POU2F2: variants seen among roughly 807,000 people sequenced by gnomAD.
The protein encoded by POU2F2 is POU class 2 homeobox 2.
POU2F2 carries 14 observed loss-of-function variants against 63.5 expected under a neutral mutation model. The observed-to-expected ratio is 0.22, with a 90% CI of 0.15 to 0.34. The LOEUF is 0.34. Ranked by LOEUF, POU2F2 falls within the 10% of genes least tolerant of loss-of-function variation. The probability of loss-of-function intolerance (pLI) is 1.00; values close to 1 mark genes in which losing one functional copy is unlikely to be tolerated. For synonymous variants in POU2F2, 306 were observed against 348.6 expected (o/e 0.88, Z 1.36); for missense variants, 607 against 815.2 (o/e 0.74, Z 3.11).
At chr19:42,141,772 G>C (rs371568345) in intron 2 of POU2F2, among the ~76,000 whole-genome samples, 1 of 152,046 alleles carries the variant, frequency 6.6e-6, no homozygotes, top group African/African-American at 2.4e-5. Flanking sequence ...GAGCCACCAC[G>C]CCTGGCCAGG....
At chr19:42,124,554 C>G (rs185652814) in intron 1 of POU2F2, among the ~76,000 whole-genome samples, 1 of 152,200 alleles carries the variant, frequency 6.6e-6, no homozygotes, top group East Asian at 1.9e-4. Context: ...AGATGCAGCA[C>G]GTCCACTCCT....
Position 42,095,944 on chromosome 19 carries a change from CG to C in POU2F2, c.730-16del. Reference sequence around the variant, plus strand: ...CCCACATCACCCTGGGCCAGTGGGGCGGGGAAGGGCCCGAAGTCAGGGTGGG... The same window carrying C: ...CCCACATCACCCTGGGCCAGTGGGGCGGGAAGGGCCCGAAGTCAGGGTGGG... On this transcript the variant is annotated splice_polypyrimidine_tract_variant and intron_variant, in intron 8 of 14. Coordinates refer to ENST00000692977, the MANE Select transcript of POU2F2 (RefSeq NM_001394376.1). The surrounding 1 kb of genome is among the most constrained non-coding windows in gnomAD (Gnocchi z 7.1). 1 of 1,584,034 alleles carries C rather than the reference CG, an allele frequency of 6.3e-7. No homozygotes were observed. The highest frequency in any genetic ancestry group is 8.6e-7 in the Non-Finnish European group (1 of 1,162,862).
At position 42,093,872 on chromosome 19, in the gene POU2F2, C is replaced by T. The variant is rs2076825308; in HGVS notation, c.1221G>A (p.Gly407=). 4.3e-6 allele frequency: 7 copies of T among 1,611,838 alleles called. No individual in the cohort carries two copies. Among genetic ancestry groups the T allele is most frequent in the African/African-American group, 2.7e-5 (2 of 75,020 alleles). ...PHMVTPQGGA[G]TLPLSQASSS... is the part of the protein sequence containing the mutation. ...TGGAAGCTTGGGACAACGGTAAGGT[C>T]CCCGCGCCCCCTTGGGGTGTGACCT... is the stretch of plus-strand genomic sequence containing the variant. The change falls in exon 12 of 15, where the codon GGG becomes GGA. Residue 407 remains glycine (G), a synonymous_variant. Transcript: ENST00000692977.
Position 42,096,241 on chromosome 19 carries a change from G to A in POU2F2, c.570C>T (p.Ala190=), listed in dbSNP as rs749194141. Residue 190 remains alanine, a splice_region_variant and synonymous_variant, in exon 8 of 15, where the codon GCC becomes GCT. Coordinates refer to ENST00000692977, the MANE Select transcript of POU2F2 (RefSeq NM_001394376.1). This position sits in a 1 kb window ranked among gnomAD's most constrained non-coding sequence, Gnocchi z 4.1. ...SQPRAGLPTQ[A]VTRPTLPDPH... ...GGTCGGGCAGCGTAGGGCGGGTCAC[G>A]GCCTGGTGGGGTGGGCAGGTGGGTG... 1.3e-6 allele frequency: 2 copies of A among 1,569,790 alleles called. No individual in the cohort carries two copies. Among genetic ancestry groups the A allele is most frequent in the Non-Finnish European group, 1.7e-6 (2 of 1,159,236 alleles).
intron 1 of POU2F2, among the ~76,000 whole-genome samples, chr19:42,183,565 T>C (rs2034985406): frequency 6.6e-6 from 1 of 152,220 alleles, no homozygotes. Flanking sequence ...CATTTACAAC[T>C]GGTGAATTTT....
chr19:42,149,234 T>A (rs8108449), intron 2 of POU2F2, among the ~76,000 whole-genome samples: 1 of 152,112 alleles, frequency 6.6e-6, no homozygotes, highest in Non-Finnish European at 1.5e-5. Flanking sequence ...GGCAGACAGA[T>A]GGGCCCCACC....
At chr19:42,143,884 C>G (rs2034179104) in intron 2 of POU2F2, among the ~76,000 whole-genome samples, 1 of 151,926 alleles carries the variant, frequency 6.6e-6, no homozygotes, top group Non-Finnish European at 1.5e-5. Context: ...TCACATGGCA[C>G]TTCTCATCAC....
chr19:42,196,523 A>T (rs934616325), exon 1 of POU2F2: 1 of 152,384 alleles, frequency 6.6e-6, no homozygotes, highest in African/African-American at 2.4e-5. Flanking sequence ...CGCACAGGCC[A>T]ACCCAAGGTT....
chr19:42,161,944 C>CGCAGGGCAAAATCGATG (rs1275229693), intron 1 of POU2F2, among the ~76,000 whole-genome samples: 5 of 152,216 alleles, frequency 3.3e-5, no homozygotes, highest in African/African-American at 7.2e-5. Context: ...CGATGCAGCG[C>CGCAGGGCAAAATCGATG]GCAGGGCAAA....
At position 42,096,722 on chromosome 19, in the gene POU2F2, TGAGTAGGTCGTGCA is replaced by T. The variant is rs888440671; in HGVS notation, c.568-493_568-480del. Among the ~76,000 whole-genome samples, 14 of 152,304 alleles carry T rather than the reference TGAGTAGGTCGTGCA, an allele frequency of 9.2e-5. No individual in the cohort carries two copies. Among genetic ancestry groups the T allele is most frequent in the African/African-American group, 3.1e-4 (13 of 41,582 alleles). ...GCTGTTGAGAGAATCGGGTTAAAAA[TGAGTAGGTCGTGCA>T]GACCCATGGACTGTACAATGCCAAG... On this transcript the variant is annotated intron_variant, in intron 7 of 14. Coordinates refer to ENST00000692977, the MANE Select transcript of POU2F2 (RefSeq NM_001394376.1). This position sits in a 1 kb window ranked among gnomAD's most constrained non-coding sequence, Gnocchi z 4.1.
At chr19:42,100,085 CTTTTTTTTTTTT>C (rs948283094) in intron 5 of POU2F2, among the ~76,000 whole-genome samples, 9 of 77,080 alleles carry the variant, frequency 1.2e-4, no homozygotes, top group East Asian at 8.0e-4. Flanking sequence ...CCCTTTCTTT[CTTTTTTTTTTTT>C]TTTTTTTTTT....
chr19:42,150,687 C>T (rs959763928), intron 2 of POU2F2, among the ~76,000 whole-genome samples: 17 of 152,016 alleles, frequency 1.1e-4, no homozygotes, highest in Admixed American at 5.9e-4. Context: ...CTGCAGCCAC[C>T]GCTTAGTTCT....
At chr19:42,182,026 G>C (rs1202896928) in intron 1 of POU2F2, among the ~76,000 whole-genome samples, 1 of 152,142 alleles carries the variant, frequency 6.6e-6, no homozygotes, top group Non-Finnish European at 1.5e-5. Flanking sequence ...TGAGGATAAA[G>C]GGTGTAAGAT....
intron 2 of POU2F2, chr19:42,157,288 A>C (rs75128145): frequency 6.6e-6 from 1 of 152,024 alleles, no homozygotes; most frequent in African/African-American, 2.4e-5. Flanking sequence ...ACCCCCAAAG[A>C]CTTCCTGAGG....
intron 5 of POU2F2, among the ~76,000 whole-genome samples, chr19:42,104,845 G>A (rs758540210): frequency 1.4e-4 from 22 of 152,052 alleles, no homozygotes; most frequent in African/African-American, 3.9e-4. Context: ...CCTGCTTTTC[G>A]ACAGCTGAAC....
chr19:42,092,008 C>T lies in POU2F2; in HGVS notation c.1466+61G>A, dbSNP rs1338926046. The stretch of plus-strand genomic sequence containing the variant: ...GCCAACATAACTGGGGTGCCGCTCC[C>T]CACCCTAGAAGCAGCAGCGACCCTG... On this transcript the variant is annotated intron_variant, in intron 13 of 14. Coordinates refer to ENST00000692977, the MANE Select transcript of POU2F2 (RefSeq NM_001394376.1). This position sits in a 1 kb window ranked among gnomAD's most constrained non-coding sequence, Gnocchi z 5.0. 1.0e-5 allele frequency: 16 copies of T among 1,545,184 alleles called. No homozygotes were observed. Among genetic ancestry groups the T allele is most frequent in the Non-Finnish European group, 1.4e-5 (16 of 1,144,208 alleles).
intron 2 of POU2F2, among the ~76,000 whole-genome samples, chr19:42,145,808 C>T (rs1599662317): frequency 6.6e-6 from 1 of 152,134 alleles, no homozygotes; most frequent in Non-Finnish European, 1.5e-5. Context: ...GTGGCACACA[C>T]CTGTAATCCC....
At chr19:42,094,582 C>A (rs1037363487) in intron 11 of POU2F2, among the ~76,000 whole-genome samples, 2 of 152,240 alleles carry the variant, frequency 1.3e-5, no homozygotes. Flanking sequence ...CATGCCCCCA[C>A]TCCTTCCCCA....
intron 1 of POU2F2, among the ~76,000 whole-genome samples, chr19:42,127,472 C>T (rs999967347): frequency 4.6e-5 from 7 of 151,560 alleles, no homozygotes; most frequent in South Asian, 2.1e-4. Context: ...CTCCAGAGGT[C>T]TCCTGGGTTG....
Sources: allele counts gnomAD v4.1 joint callset (sites outside exome capture counted in the v4.1 genomes callset), GRCh38; gene constraint gnomAD v4.1.1; non-coding constraint Gnocchi (gnomAD v3.1); transcripts MANE v1.5; gene names NCBI Gene and HGNC (gene_info 2026-07-23, HGNC 2026-07-21).